DIAPH3: variants seen among roughly 807,000 people sequenced by gnomAD.
DIAPH3 encodes the protein protein diaphanous homolog 3.
DIAPH3 carries 117 observed loss-of-function variants against 144.3 expected under a neutral mutation model. The observed-to-expected ratio is 0.81, with a 90% CI of 0.70 to 0.95. The LOEUF is 0.95. DIAPH3 is among the 40% of genes least tolerant of loss of function. The pLI, the probability that DIAPH3 is intolerant of heterozygous loss-of-function variation, is 0.00. For missense variants in DIAPH3, 1,421 were observed against 1,412.7 expected, an observed-to-expected ratio of 1.01 and a Z score of -0.09; for synonymous variants, 519 against 488.9, an observed-to-expected ratio of 1.06 and a Z score of -0.81.
intron 27 of DIAPH3, among the ~76,000 whole-genome samples, chr13:59,740,820 T>C (rs1248565198): frequency 1.3e-5 from 2 of 152,060 alleles, no homozygotes; most frequent in Non-Finnish European, 2.9e-5. Context: ...TATAAAGGAA[T>C]AGAGGTCAGG....
intron 27 of DIAPH3, among the ~76,000 whole-genome samples, chr13:59,730,817 T>C (rs1485532477): frequency 6.6e-6 from 1 of 152,174 alleles, no homozygotes; most frequent in African/African-American, 2.4e-5. Flanking sequence ...GTTGAGATGA[T>C]CACATGAATG....
At chr13:59,911,002 G>C (rs919290775) in intron 20 of DIAPH3, among the ~76,000 whole-genome samples, 1 of 151,452 alleles carries the variant, frequency 6.6e-6, no homozygotes, top group South Asian at 2.1e-4. Flanking sequence ...CCTGGCCCTG[G>C]AGATTATTAA....
Position 59,729,808 on chromosome 13 carries a change from A to ATTTTTTTT in DIAPH3, c.3319+44380_3319+44381insAAAAAAAA, listed in dbSNP as rs202135165. Among the ~76,000 whole-genome samples the ATTTTTTTT allele has an allele frequency of 4.8e-4, 55 of 115,170 alleles. 2 individuals carry two copies. The highest frequency in any genetic ancestry group is 5.6e-4 in the Non-Finnish European group (33 of 58,782). The allele number at this position is 115,170 out of a possible 152,430, so 75.6% of individuals were successfully genotyped here. On this transcript the variant is annotated intron_variant, in intron 27 of 27. Coordinates refer to ENST00000400324, the MANE Select transcript of DIAPH3 (RefSeq NM_001042517.2). Reference sequence around the variant, plus strand: ...TTTGTGACTTCCGGTGAATACATTAATATTTTTTTTTTTTTTTTTTTGAGA... The same window carrying ATTTTTTTT: ...TTTGTGACTTCCGGTGAATACATTAATTTTTTTTTATTTTTTTTTTTTTTTTTTTGAGA...
chr13:60,157,519 C>A (rs1444850686), intron 1 of DIAPH3, among the ~76,000 whole-genome samples: 1 of 152,142 alleles, frequency 6.6e-6, no homozygotes, highest in Admixed American at 6.5e-5. Flanking sequence ...CATTTATATT[C>A]TTAAATATGG....
At chr13:59,716,895 C>T (rs955602805) in intron 27 of DIAPH3, among the ~76,000 whole-genome samples, 28 of 151,900 alleles carry the variant, frequency 1.8e-4, no homozygotes, top group Non-Finnish European at 3.2e-4. Context: ...TACATTATTA[C>T]GTCAGCACTC....
Position 59,774,249 on chromosome 13 carries a change from C to T in DIAPH3, c.3260-1G>A, listed in dbSNP as rs1361545813. 1 of 1,609,434 alleles carries T rather than the reference C, an allele frequency of 6.2e-7. No homozygotes were observed. The highest frequency in any genetic ancestry group is 1.7e-4 in the Middle Eastern group (1 of 6,028). On this transcript the variant is annotated splice_acceptor_variant, in intron 26 of 27. Coordinates refer to ENST00000400324, the MANE Select transcript of DIAPH3 (RefSeq NM_001042517.2). LOFTEE classifies it high-confidence loss of function. ...ATTGGACTGAGACTCTGCCGAACAT[C>T]TGTTAAAAAAAAAAATAAAATAAAC...
At chr13:59,689,019 T>G (rs1467160020) in intron 27 of DIAPH3, among the ~76,000 whole-genome samples, 1 of 152,108 alleles carries the variant, frequency 6.6e-6, no homozygotes, top group Non-Finnish European at 1.5e-5. Context: ...GGGTTTCATC[T>G]TTATTATGTA....
chr13:60,000,937 G>A (rs1056702315), intron 9 of DIAPH3, among the ~76,000 whole-genome samples: 1 of 152,176 alleles, frequency 6.6e-6, no homozygotes, highest in East Asian at 1.9e-4. Flanking sequence ...TAGAAGAACC[G>A]GGCTAAAGGA....
chr13:60,002,319 T>C (rs904980562), intron 9 of DIAPH3, among the ~76,000 whole-genome samples: 3 of 152,182 alleles, frequency 2.0e-5, no homozygotes, highest in African/African-American at 7.2e-5. Flanking sequence ...GATTTCATCA[T>C]AGCCTGTATC....
rs528551386 is a variant in DIAPH3 at position 60,096,929 on chromosome 13, T to C, written c.391-3197A>G. Among the ~76,000 whole-genome samples, 50 of 152,324 alleles carry C rather than the reference T, an allele frequency of 3.3e-4. 1 individual carries two copies. The highest frequency in any genetic ancestry group is 6.8e-3 in the Middle Eastern group (2 of 294). On this transcript the variant is annotated intron_variant, in intron 3 of 27. Coordinates refer to ENST00000400324, the MANE Select transcript of DIAPH3 (RefSeq NM_001042517.2). ...GTTCTCCAGCTTGCAGATAGCATAC[T>C]GTAGGACTTCTTGCCCTTTATAATC... is the stretch of plus-strand genomic sequence containing the variant.
intron 4 of DIAPH3, among the ~76,000 whole-genome samples, chr13:60,078,461 G>A (rs1278016483): frequency 6.6e-6 from 1 of 152,088 alleles, no homozygotes; most frequent in Non-Finnish European, 1.5e-5. Context: ...GTTACTGCAT[G>A]TTTGCACATG....
chr13:60,127,750 C>T (rs529364535), intron 2 of DIAPH3, among the ~76,000 whole-genome samples: 2 of 152,124 alleles, frequency 1.3e-5, no homozygotes, highest in East Asian at 1.9e-4. Context: ...TGACTGTAAG[C>T]GGGTACAGAG....
chr13:60,052,874 T>TC (rs1180446335), intron 4 of DIAPH3, among the ~76,000 whole-genome samples: 2 of 139,656 alleles, frequency 1.4e-5, no homozygotes, highest in Non-Finnish European at 3.0e-5. Context: ...GGCAGGAGAA[T>TC]CACTTGAACC....
In DIAPH3 at chr13:59,978,494, C is replaced by T. The variant is rs576392646; in HGVS notation, c.1545+2301G>A. ...AATTCATAAGGAAAAAGAATTATTTCGGGACTTAAGATAAAAATTATAAAA... is the reference window on the plus strand; with the variant it reads ...AATTCATAAGGAAAAAGAATTATTTTGGGACTTAAGATAAAAATTATAAAA... On this transcript the variant is annotated intron_variant, in intron 14 of 27. Transcript: ENST00000400324. Among the ~76,000 whole-genome samples, 8 of 151,522 alleles carry T rather than the reference C, an allele frequency of 5.3e-5. No homozygotes were observed. The East Asian group carries it at 1.4e-3, about 26-fold the overall frequency.
At chr13:59,934,943 T>C (rs556568794) in intron 17 of DIAPH3, among the ~76,000 whole-genome samples, 2 of 152,270 alleles carry the variant, frequency 1.3e-5, no homozygotes, top group South Asian at 4.2e-4. Flanking sequence ...GGAAACTGAA[T>C]AGGCCTGAGG....
chr13:59,691,294 A>G lies in DIAPH3; in HGVS notation c.3320-24448T>C, dbSNP rs117225448. ...ACCCTTGCCCTGCATGAGAGAGAAG[A>G]ATTTCTGCTTACTCATATCATTAGT... On this transcript the variant is annotated intron_variant, in intron 27 of 27. Coordinates refer to ENST00000400324, the MANE Select transcript of DIAPH3 (RefSeq NM_001042517.2). Among the ~76,000 whole-genome samples, 51 of 152,244 alleles carry G rather than the reference A, an allele frequency of 3.3e-4. No individual in the cohort carries two copies. The East Asian group carries it at 3.7e-3, about 11-fold the overall frequency.
intron 25 of DIAPH3, among the ~76,000 whole-genome samples, chr13:59,802,679 T>TTTTTTTA (rs2039997064): frequency 4.3e-5 from 3 of 70,280 alleles, no homozygotes; most frequent in Admixed American, 3.3e-4. Flanking sequence ...TTTTTTTTTT[T>TTTTTTTA]TTTTTTTTTT....
At chr13:59,861,575 A>T in intron 21 of DIAPH3, 39 bp from the exon 22 acceptor site, 1 of 1,584,670 alleles carries the variant, frequency 6.3e-7, no homozygotes, top group Non-Finnish European at 8.7e-7. Context: ...CAGAGTCATA[A>T]GTATGTTGAT....
intron 5 of DIAPH3, among the ~76,000 whole-genome samples, chr13:60,037,529 TA>T (rs1393022104): frequency 1.3e-5 from 2 of 152,022 alleles, no homozygotes; most frequent in Non-Finnish European, 2.9e-5. Context: ...GTGTTCATGT[TA>T]AATTTCTTTT....
Sources: allele counts gnomAD v4.1 joint callset (sites outside exome capture counted in the v4.1 genomes callset), GRCh38; gene constraint gnomAD v4.1.1; transcripts MANE v1.5; gene names NCBI Gene and HGNC (gene_info 2026-07-23, HGNC 2026-07-21).